CDH12: variants seen among roughly 807,000 people sequenced by gnomAD.
CDH12 encodes the protein cadherin 12, also known as cadherin-12.
Under a neutral mutation model 74.1 loss-of-function variants are expected in CDH12, and 41 were observed. The observed-to-expected ratio is 0.55, with a 90% confidence interval of 0.43 to 0.72. The LOEUF is 0.72. Ranked by LOEUF, CDH12 falls within the 30% of genes least tolerant of loss-of-function variation. CDH12 has a pLI of 0.00. For synonymous variants in CDH12, 399 were observed against 355.0 expected, an observed-to-expected ratio of 1.12 and a Z score of -1.39; for missense variants, 945 against 977.2, an observed-to-expected ratio of 0.97 and a Z score of 0.44.
At chr5:22,198,248 T>C (rs2150352384) in intron 4 of CDH12, among the ~76,000 whole-genome samples, 1 of 152,080 alleles carries the variant, frequency 6.6e-6, no homozygotes, top group South Asian at 2.1e-4. Context: ...CCCAAAAACG[T>C]ACTGATAGTG....
At chr5:21,832,261 A>G (rs1390780695) in intron 8 of CDH12, among the ~76,000 whole-genome samples, 1 of 152,120 alleles carries the variant, frequency 6.6e-6, no homozygotes, top group Non-Finnish European at 1.5e-5. Flanking sequence ...GTCAACAAAA[A>G]TTTTCAGCAC....
rs200519594 is a variant in CDH12 at position 21,894,715 on chromosome 5, G to GT, written c.527-39926dup. On this transcript the variant is annotated intron_variant, in intron 6 of 14. Transcript: ENST00000382254. ...ATTTAGTTGCATTCTAGGACTCCAG[G>GT]TTTTTTTGACCAGCATTTAAAACCA... Among the ~76,000 whole-genome samples, 1,140 of 151,982 alleles carry GT rather than the reference G, an allele frequency of 7.5e-3. 18 individuals are homozygous for GT. The highest frequency in any genetic ancestry group is 0.026 in the African/African-American group (1,079 of 41,438).
intron 6 of CDH12, among the ~76,000 whole-genome samples, chr5:21,859,864 GTA>G (rs974429908): frequency 6.6e-6 from 1 of 151,954 alleles, no homozygotes; most frequent in Admixed American, 6.6e-5. Flanking sequence ...GTAAAGAAGA[GTA>G]TGTGTGGAAT....
intron 6 of CDH12, among the ~76,000 whole-genome samples, chr5:21,974,839 C>A (rs1177822919): frequency 2.0e-5 from 3 of 151,986 alleles, no homozygotes; most frequent in African/African-American, 7.3e-5. Flanking sequence ...TTAAAGCATG[C>A]AAGGATTCTA....
chr5:21,763,340 G>A (rs995489739), intron 12 of CDH12, among the ~76,000 whole-genome samples: 3 of 152,080 alleles, frequency 2.0e-5, no homozygotes, highest in African/African-American at 7.2e-5. Flanking sequence ...ATAGTTTTTA[G>A]TTTCACGTAA....
rs146138224 is a variant in CDH12, at chr5:22,779,981, T to C, written c.-523+73077A>G. ...TTTAATACATTTTAAATAAATTATG[T>C]ATAAGTTCATCTTCTTTATAACAGT... On this transcript the variant is annotated intron_variant, in intron 1 of 14. Coordinates refer to ENST00000382254, the MANE Select transcript of CDH12 (RefSeq NM_004061.5). Among the ~76,000 whole-genome samples the C allele has an allele frequency of 2.0e-4, 30 of 152,342 alleles. No individual in the cohort carries two copies. In the East Asian group the frequency reaches 4.2e-3, roughly 22 times the overall value.
chr5:22,631,683 A>T (rs1306500062), intron 1 of CDH12, among the ~76,000 whole-genome samples: 1 of 152,138 alleles, frequency 6.6e-6, no homozygotes, highest in Non-Finnish European at 1.5e-5. Context: ...TAAATGTCTC[A>T]TTGTTCTGCA....
rs568408820 is a variant in CDH12, at chr5:22,001,722, CT to C, written c.232-26338del. Among the ~76,000 whole-genome samples the C allele has an allele frequency of 7.1e-4, 106 of 148,446 alleles. No homozygotes were observed. The Middle Eastern group carries it at 0.01, about 14-fold the overall frequency. On this transcript the variant is annotated intron_variant, in intron 5 of 14. Transcript: ENST00000382254. ...CTCATACTGCATATACTTTTTGCTGCTTTTTTTTTTAAATCTCTCCCATTTT... is the reference window on the plus strand; with the variant it reads ...CTCATACTGCATATACTTTTTGCTGCTTTTTTTTTAAATCTCTCCCATTTT...
intron 4 of CDH12, among the ~76,000 whole-genome samples, chr5:22,093,517 T>TA (rs902214663): frequency 3.9e-5 from 6 of 152,306 alleles, no homozygotes; most frequent in Middle Eastern, 6.8e-3. Context: ...AAGTCAGTTA[T>TA]AAAAGATTAC....
At chr5:21,970,800 A>G (rs1370862586) in intron 6 of CDH12, among the ~76,000 whole-genome samples, 1 of 135,904 alleles carries the variant, frequency 7.4e-6, no homozygotes, top group Non-Finnish European at 1.5e-5. Context: ...AGACCATACC[A>G]CTACACTCCG....
chr5:22,573,534 G>C (rs1739637919), intron 1 of CDH12, among the ~76,000 whole-genome samples: 2 of 152,108 alleles, frequency 1.3e-5, no homozygotes, highest in Admixed American at 6.6e-5. Context: ...GGTTAGGGGG[G>C]AGATGGGTAT....
intron 2 of CDH12, among the ~76,000 whole-genome samples, chr5:22,444,843 A>G (rs2126548901): frequency 6.6e-6 from 1 of 152,126 alleles, no homozygotes; most frequent in South Asian, 2.1e-4. Context: ...CTTCTCATAT[A>G]CTGATTTATA....
chr5:22,460,717 T>C (rs1407046516), intron 2 of CDH12, among the ~76,000 whole-genome samples: 2 of 141,896 alleles, frequency 1.4e-5, no homozygotes, highest in Non-Finnish European at 1.5e-5. Flanking sequence ...CTAGCAATTT[T>C]TTTTTTTTTT....
chr5:22,442,963 G>T (rs1744685327), intron 2 of CDH12, among the ~76,000 whole-genome samples: 1 of 152,008 alleles, frequency 6.6e-6, no homozygotes, highest in Admixed American at 6.6e-5. Flanking sequence ...ACAACACATT[G>T]AATGTTTTTT....
intron 2 of CDH12, among the ~76,000 whole-genome samples, chr5:22,432,837 G>A (rs1744229848): frequency 6.6e-6 from 1 of 152,042 alleles, no homozygotes; most frequent in Non-Finnish European, 1.5e-5. Context: ...AGCTTGGACT[G>A]TTAAACCTGT....
chr5:22,408,659 G>T (rs1057019129), intron 2 of CDH12, among the ~76,000 whole-genome samples: 1 of 150,776 alleles, frequency 6.6e-6, no homozygotes, highest in African/African-American at 2.4e-5. Flanking sequence ...TATATTAATT[G>T]CATATGCATT....
At chr5:22,711,985 A>T (rs978600761) in intron 1 of CDH12, among the ~76,000 whole-genome samples, 13 of 152,016 alleles carry the variant, frequency 8.6e-5, no homozygotes, top group African/African-American at 2.9e-4. Context: ...AGCATTCAGG[A>T]TACTTCTTGA....
At chr5:22,447,985 TAAAAAA>T (rs10660558) in intron 2 of CDH12, among the ~76,000 whole-genome samples, 1 of 84,494 alleles carries the variant, frequency 1.2e-5, no homozygotes, top group African/African-American at 4.9e-5. Context: ...TACAAGAAAT[TAAAAAA>T]AAAAAAAAAA....
intron 10 of CDH12, among the ~76,000 whole-genome samples, chr5:21,793,626 C>A (rs895206863): frequency 2.6e-5 from 4 of 151,616 alleles, no homozygotes; most frequent in Non-Finnish European, 5.9e-5. Context: ...AAGAATGGTG[C>A]CATTTTATGT....
Sources: gnomAD v4.1 joint callset for allele counts (sites outside exome capture counted in the v4.1 genomes callset) on GRCh38, gnomAD v4.1.1 for gene constraint, MANE v1.5 for transcripts, NCBI Gene and HGNC (gene_info 2026-07-23, HGNC 2026-07-21) for gene names.